The following LUC7L2 variants were observed in gnomAD, a reference collection of about 807,000 sequenced individuals.
LUC7L2 encodes LUC7 like 2, pre-mRNA splicing factor.
In LUC7L2, 25 loss-of-function variants were observed where a neutral mutation model predicts 52.8. The observed-to-expected ratio is 0.47, with a 90% CI of 0.34 to 0.66. The LOEUF is 0.66. Among genes scored for constraint, LUC7L2 ranks in the 30% least tolerant of loss-of-function variants. The pLI is 0.01. For synonymous variants in LUC7L2, 144 were observed against 160.9 expected, an observed-to-expected ratio of 0.89 and a Z score of 0.80; for missense variants, 328 against 497.8, an observed-to-expected ratio of 0.66 and a Z score of 3.25.
chr7:139,351,443 T>G (rs758542702), intron 1 of LUC7L2, among the ~76,000 whole-genome samples: 1 of 152,246 alleles, frequency 6.6e-6, no homozygotes, highest in Non-Finnish European at 1.5e-5. Context: ...TTTTTATTGC[T>G]GCTATCCTAG....
At chr7:139,399,749 G>A (rs1212111338) in intron 3 of LUC7L2, among the ~76,000 whole-genome samples, 5 of 151,942 alleles carry the variant, frequency 3.3e-5, no homozygotes, top group Non-Finnish European at 7.4e-5. Flanking sequence ...GATTACAGGC[G>A]TGAGCCACGG....
chr7:139,367,630 G>C (rs937288995), intron 1 of LUC7L2, among the ~76,000 whole-genome samples: 1 of 152,170 alleles, frequency 6.6e-6, no homozygotes, highest in Non-Finnish European at 1.5e-5. Context: ...GGAAATTACT[G>C]TTCCAGGGAG....
intron 2 of LUC7L2, among the ~76,000 whole-genome samples, chr7:139,394,043 G>T (rs1194024008): frequency 6.6e-6 from 1 of 152,042 alleles, no homozygotes; most frequent in Non-Finnish European, 1.5e-5. Flanking sequence ...AAAGTGACAA[G>T]CCCAACTAGC....
chr7:139,390,179 G>C (rs1794378201), intron 2 of LUC7L2, among the ~76,000 whole-genome samples: 1 of 151,888 alleles, frequency 6.6e-6, no homozygotes, highest in Non-Finnish European at 1.5e-5. Flanking sequence ...GATAATACGA[G>C]GTAAAGAGAG....
intron 8 of LUC7L2, chr7:139,416,040 A>AACATATAT (rs1795586924): frequency 1.0e-5 from 1 of 97,846 alleles, no homozygotes; most frequent in Non-Finnish European, 2.4e-5. Flanking sequence ...TGAGGTATAA[A>AACATATAT]ATATATATAT....
intron 2 of LUC7L2, among the ~76,000 whole-genome samples, chr7:139,385,617 A>G (rs1035674354): frequency 6.6e-6 from 1 of 152,132 alleles, no homozygotes; most frequent in African/African-American, 2.4e-5. Flanking sequence ...AACTGTACCC[A>G]GCTGTAAGAT....
intron 1 of LUC7L2, among the ~76,000 whole-genome samples, chr7:139,372,379 T>C (rs910682883): frequency 5.3e-5 from 8 of 152,236 alleles, no homozygotes; most frequent in African/African-American, 7.2e-5. Context: ...AAGCCAGATA[T>C]GGTTTACTTA....
At position 139,353,958 on chromosome 7, in the gene LUC7L2, TAC is replaced by T. The variant is rs371464175; in HGVS notation, c.-26+13443_-26+13444del. Among the ~76,000 whole-genome samples, 368 of 150,882 alleles carry T rather than the reference TAC, an allele frequency of 2.4e-3. 3 individuals carry two copies. The highest frequency in any genetic ancestry group is 8.5e-3 in the African/African-American group (349 of 40,874). On this transcript the variant is annotated intron_variant, in intron 1 of 10. Transcript: ENST00000541170. ...GGCGAAACCCCGTCTCTACTAAAAA[TAC>T]AAAAAATTAGCTGGGCTTGGTGGCT...
At chr7:139,370,364 A>T (rs1254529045) in intron 1 of LUC7L2, among the ~76,000 whole-genome samples, 1 of 152,224 alleles carries the variant, frequency 6.6e-6, no homozygotes, top group Non-Finnish European at 1.5e-5. Flanking sequence ...TTTGAGGAAG[A>T]TGTAAAAATG....
intron 1 of LUC7L2, among the ~76,000 whole-genome samples, chr7:139,348,161 C>A (rs771115260): frequency 2.0e-5 from 3 of 149,986 alleles, no homozygotes; most frequent in Non-Finnish European, 3.0e-5. Context: ...ATAATATGTA[C>A]ATTATAATAT....
In LUC7L2 at chr7:139,423,025, A is replaced by G. The variant is rs1471384916; in HGVS notation, c.*685A>G. 3 of 398,664 alleles carry G rather than the reference A, an allele frequency of 7.5e-6. No homozygotes were observed. The highest frequency in any genetic ancestry group is 1.3e-5 in the Non-Finnish European group (3 of 226,040). 24.7% of individuals were successfully genotyped at this position (398,664 alleles called of 1,614,324 possible). Reference sequence around the variant, plus strand: ...GTTCTGTTGAATTGCTATGTTCAGGATGTTCTAGGGGGTGGGGGCAGGGAC... The same window carrying G: ...GTTCTGTTGAATTGCTATGTTCAGGGTGTTCTAGGGGGTGGGGGCAGGGAC... On this transcript the variant is annotated 3_prime_UTR_variant, in exon 10 of 10. Coordinates refer to ENST00000354926, the MANE Select transcript of LUC7L2 (RefSeq NM_016019.5).
chr7:139,383,023 A>G (rs539252957), intron 2 of LUC7L2, among the ~76,000 whole-genome samples: 44 of 152,080 alleles, frequency 2.9e-4, no homozygotes, highest in South Asian at 6.2e-4. Context: ...CTTCCTAGGC[A>G]TAAGCAATTC....
chr7:139,409,964 T>C (rs959851903), intron 7 of LUC7L2, among the ~76,000 whole-genome samples: 3 of 152,138 alleles, frequency 2.0e-5, no homozygotes, highest in African/African-American at 7.2e-5. Flanking sequence ...TTCCAGCACT[T>C]TGGGAGGCCG....
At chr7:139,356,314 CA>C (rs10524961), upstream of LUC7L2, among the ~76,000 whole-genome samples, 73 of 82,902 alleles carry the variant, frequency 8.8e-4, no homozygotes, top group East Asian at 2.5e-3. Flanking sequence ...GACCCTATCT[CA>C]AAAAAAAAAA....
chr7:139,403,846 G>A (rs890359115), intron 4 of LUC7L2, among the ~76,000 whole-genome samples: 6 of 152,148 alleles, frequency 3.9e-5, no homozygotes, highest in Non-Finnish European at 5.9e-5. Flanking sequence ...TAGCCTGGCC[G>A]TGTTCTCATA....
chr7:139,421,741 C>T (rs1235417879), intron 9 of LUC7L2, among the ~76,000 whole-genome samples: 2 of 152,220 alleles, frequency 1.3e-5, no homozygotes. Flanking sequence ...AGAACTGCCA[C>T]AAAGATTGCA....
chr7:139,345,383 G>C, intron 1 of LUC7L2: 2 of 1,423,926 alleles, frequency 1.4e-6, no homozygotes, highest in South Asian at 1.4e-5. Context: ...ATACATACAT[G>C]TCTGTATTTC....
Position 139,417,704 on chromosome 7 carries a change from A to G in LUC7L2, c.976A>G (p.Arg326Gly), listed in dbSNP as rs771745609. 5.6e-6 allele frequency: 9 copies of G among 1,614,178 alleles called. No homozygotes were observed. Among genetic ancestry groups the G allele is most frequent in the Non-Finnish European group, 7.6e-6 (9 of 1,179,998 alleles). ...GAGAAGTCGGCACAGTTCTAGAGAT[A>G]GGAGCAGAGAACGATCCAAGAGGAG... The part of the protein sequence containing the change: ...HQRSRHSSRD[R>G]SRERSKRRSS... Residue 326 changes from arginine (R) to glycine (G), a missense_variant, in exon 9 of 10, where the codon AGG becomes GGG. Coordinates refer to ENST00000354926, the MANE Select transcript of LUC7L2 (RefSeq NM_016019.5).
intron 2 of LUC7L2, among the ~76,000 whole-genome samples, chr7:139,393,646 C>G (rs776621647): frequency 6.6e-6 from 1 of 151,988 alleles, no homozygotes; most frequent in African/African-American, 2.4e-5. Flanking sequence ...GGGGTTTCAC[C>G]GTGTTGCCCA....
Sources: allele counts gnomAD v4.1 joint callset (sites outside exome capture counted in the v4.1 genomes callset), GRCh38; gene constraint gnomAD v4.1.1; transcripts MANE v1.5; gene names NCBI Gene and HGNC (gene_info 2026-07-23, HGNC 2026-07-21).